AOAH: variants seen among roughly 807,000 people sequenced by gnomAD.
The protein encoded by AOAH is acyloxyacyl hydrolase, also known as acyloxyacyl hydrolase (neutrophil).
A neutral mutation model predicts 92.2 loss-of-function variants in AOAH; 64 were observed. The observed-to-expected ratio is 0.69, with a 90% confidence interval of 0.57 to 0.86. The LOEUF is 0.86. Among genes scored for constraint, AOAH ranks in the 40% least tolerant of loss-of-function variants. AOAH has a pLI of 0.00. For synonymous variants in AOAH, 263 were observed against 254.5 expected (o/e 1.03, Z -0.32); for missense variants, 656 against 694.6 (o/e 0.94, Z 0.62).
chr7:36,517,228 C>CTTTCTCTT (rs200489121), intron 20 of AOAH, among the ~76,000 whole-genome samples: 1 of 54,784 alleles, frequency 1.8e-5, no homozygotes, highest in Non-Finnish European at 4.0e-5. Context: ...TTCTTTCTGT[C>CTTTCTCTT]TCTCTCTCTC....
intron 6 of AOAH, among the ~76,000 whole-genome samples, chr7:36,625,572 C>T (rs1186989271): frequency 6.6e-6 from 1 of 152,146 alleles, no homozygotes; most frequent in Non-Finnish European, 1.5e-5. Flanking sequence ...GTGGGTTGAA[C>T]AAGGCCAGAG....
chr7:36,626,229 T>C (rs1562635180), intron 6 of AOAH, among the ~76,000 whole-genome samples: 1 of 152,090 alleles, frequency 6.6e-6, no homozygotes, highest in Non-Finnish European at 1.5e-5. Flanking sequence ...CAAACAGCCA[T>C]ATTTTCAGCC....
chr7:36,555,682 A>G (rs1240504078), intron 13 of AOAH, among the ~76,000 whole-genome samples: 1 of 152,142 alleles, frequency 6.6e-6, no homozygotes, highest in African/African-American at 2.4e-5. Context: ...TGGTCTATTC[A>G]GAGATTCAAC....
chr7:36,641,377 G>A lies in AOAH; in HGVS notation c.391-3467C>T, dbSNP rs774183346. On this transcript the variant is annotated intron_variant, in intron 4 of 20. Coordinates refer to ENST00000617537, the MANE Select transcript of AOAH (RefSeq NM_001637.4). ...TTTCCAGTTGCAGCGCTGAAGTCTT[G>A]TTCCCCCAATGACTCTCAGAGCTCC... Among the ~76,000 whole-genome samples the A allele has an allele frequency of 4.6e-5, 7 of 152,116 alleles. 1 individual carries two copies. The highest frequency in any genetic ancestry group is 2.1e-4 in the South Asian group (1 of 4,822).
At chr7:36,644,876 T>C (rs7790204) in intron 4 of AOAH, among the ~76,000 whole-genome samples, 87,979 of 142,730 alleles carry the variant, frequency 0.62, 26,848 homozygotes, top group African/African-American at 0.72. Flanking sequence ...TGATTCCAAA[T>C]GGGCGTTTTT....
rs77835919 is a variant in AOAH, at chr7:36,547,586, G to A, written c.1133+1026C>T. 2.9e-3 allele frequency among the ~76,000 whole-genome samples: 436 copies of A among 152,218 alleles called. 3 individuals are homozygous for A. Among genetic ancestry groups the A allele is most frequent in the African/African-American group, 0.01 (424 of 41,524 alleles). The stretch of plus-strand genomic sequence containing the variant: ...TTGCCTCGGGCAAATCGTGAACCTC[G>A]TTTGGCCTTACTTTCCTGTTTCCTA... On this transcript the variant is annotated intron_variant, in intron 15 of 20. Transcript: ENST00000617537.
chr7:36,694,440 G>C (rs914235486), intron 1 of AOAH, among the ~76,000 whole-genome samples: 1 of 152,198 alleles, frequency 6.6e-6, no homozygotes, highest in Non-Finnish European at 1.5e-5. Context: ...GGAGGTTGCA[G>C]TGAGCCGAGA....
intron 13 of AOAH, among the ~76,000 whole-genome samples, chr7:36,571,904 A>C (rs1788172183): frequency 6.6e-6 from 1 of 152,220 alleles, no homozygotes; most frequent in African/African-American, 2.4e-5. Context: ...TTAATGGTAC[A>C]AATATACAGA....
chr7:36,637,082 G>T (rs756987041), intron 5 of AOAH, among the ~76,000 whole-genome samples: 5 of 152,140 alleles, frequency 3.3e-5, no homozygotes, highest in Non-Finnish European at 7.3e-5. Context: ...TTTCAAATGG[G>T]CTGATTTGCA....
At chr7:36,517,230 C>G (rs55691549) in intron 20 of AOAH, among the ~76,000 whole-genome samples, 27,658 of 82,450 alleles carry the variant, frequency 0.34, 4,684 homozygotes, top group Non-Finnish European at 0.39. Flanking sequence ...CTTTCTGTCT[C>G]TCTCTCTCTC....
At chr7:36,596,894 C>T (rs747420783) in intron 11 of AOAH, among the ~76,000 whole-genome samples, 8 of 152,174 alleles carry the variant, frequency 5.3e-5, no homozygotes, top group Non-Finnish European at 7.3e-5. Context: ...ACATGAACCC[C>T]TTTACTATGT....
intron 1 of AOAH, among the ~76,000 whole-genome samples, chr7:36,718,382 G>A (rs1190102248): frequency 6.6e-6 from 1 of 152,122 alleles, no homozygotes; most frequent in Non-Finnish European, 1.5e-5. Flanking sequence ...CAGCTGCTTG[G>A]AAAATAGTTT....
intron 15 of AOAH, among the ~76,000 whole-genome samples, 181 bp from the exon 16 acceptor site, chr7:36,540,672 T>A (rs1216239052): frequency 6.6e-6 from 1 of 152,252 alleles, no homozygotes; most frequent in East Asian, 1.9e-4. Flanking sequence ...TAGGCTGTAC[T>A]TACTGACTCC....
intron 20 of AOAH, among the ~76,000 whole-genome samples, chr7:36,520,455 C>G (rs1478383103): frequency 1.3e-5 from 2 of 152,202 alleles, no homozygotes; most frequent in Non-Finnish European, 2.9e-5. Flanking sequence ...CCTGTAATCC[C>G]AGCACTTTGG....
intron 4 of AOAH, among the ~76,000 whole-genome samples, chr7:36,638,425 C>T (rs919231306): frequency 3.3e-5 from 5 of 152,226 alleles, no homozygotes; most frequent in African/African-American, 1.2e-4. Context: ...TCCTCTTCCC[C>T]TGGTTGGAGA....
intron 12 of AOAH, among the ~76,000 whole-genome samples, chr7:36,584,591 G>T (rs547245120): frequency 6.6e-6 from 1 of 152,058 alleles, no homozygotes; most frequent in African/African-American, 2.4e-5. Flanking sequence ...GATTACATAT[G>T]GCTAATATTT....
intron 2 of AOAH, among the ~76,000 whole-genome samples, chr7:36,680,205 A>T (rs1294465876): frequency 2.0e-5 from 3 of 152,184 alleles, no homozygotes; most frequent in African/African-American, 7.2e-5. Context: ...AACAATTCCG[A>T]GATTCTTCCA....
chr7:36,595,675 T>C (rs1790054180), intron 11 of AOAH, among the ~76,000 whole-genome samples: 1 of 152,260 alleles, frequency 6.6e-6, no homozygotes, highest in South Asian at 2.1e-4. Flanking sequence ...AAATTTGTTA[T>C]TTATCCTAAG....
chr7:36,578,062 C>T (rs188429751), intron 12 of AOAH, among the ~76,000 whole-genome samples: 2 of 152,200 alleles, frequency 1.3e-5, no homozygotes, highest in Admixed American at 1.3e-4. Flanking sequence ...TAATACAAGA[C>T]CAAGATGCCT....
Sources: gnomAD v4.1 joint callset for allele counts (sites outside exome capture counted in the v4.1 genomes callset) on GRCh38, gnomAD v4.1.1 for gene constraint, MANE v1.5 for transcripts, NCBI Gene and HGNC (gene_info 2026-07-23, HGNC 2026-07-21) for gene names.